The following NLGN1 variants were observed in gnomAD, a reference collection of about 807,000 sequenced individuals.
The protein encoded by NLGN1 is neuroligin-1.
A neutral mutation model predicts 65.5 loss-of-function variants in NLGN1; 12 were observed. That is an observed-to-expected ratio of 0.18 (90% CI 0.12 to 0.30). The LOEUF is 0.30. Ranked by LOEUF, NLGN1 falls within the 10% of genes least tolerant of loss-of-function variation. The pLI is 1.00. For missense variants in NLGN1, 750 were observed against 1,007.1 expected (o/e 0.74, Z 3.46); for synonymous variants, 350 against 359.5 (o/e 0.97, Z 0.30).
chr3:173,863,102 T>G (rs1449961762), intron 4 of NLGN1, among the ~76,000 whole-genome samples: 2 of 151,986 alleles, frequency 1.3e-5, no homozygotes, highest in African/African-American at 2.4e-5. Flanking sequence ...ATTTGAAAAC[T>G]GTTCAGAGAT....
chr3:173,642,345 C>G (rs906642141), intron 3 of NLGN1, among the ~76,000 whole-genome samples: 1 of 152,182 alleles, frequency 6.6e-6, no homozygotes, highest in East Asian at 1.9e-4. Context: ...CTAGCCGACT[C>G]TCAGGACTGG....
chr3:173,813,683 A>G (rs1435471347), intron 4 of NLGN1, among the ~76,000 whole-genome samples: 1 of 152,268 alleles, frequency 6.6e-6, no homozygotes, highest in Non-Finnish European at 1.5e-5. Context: ...ACAGAAAGTT[A>G]GGTCATGAAT....
chr3:174,263,845 C>T (rs368234412), intron 4 of NLGN1, among the ~76,000 whole-genome samples: 19 of 150,968 alleles, frequency 1.3e-4, no homozygotes, highest in Middle Eastern at 3.4e-3. Flanking sequence ...CCATGTTTAG[C>T]GCTTCCTTCA....
chr3:174,183,207 T>G (rs1299573861), intron 4 of NLGN1, among the ~76,000 whole-genome samples: 2 of 152,080 alleles, frequency 1.3e-5, no homozygotes, highest in Non-Finnish European at 2.9e-5. Flanking sequence ...TACTGGAAGC[T>G]CAAAAGTTCC....
chr3:173,967,453 C>G (rs1319679573), intron 4 of NLGN1, among the ~76,000 whole-genome samples: 4 of 152,112 alleles, frequency 2.6e-5, no homozygotes. Context: ...TTGAACACAA[C>G]TAATATTTCT....
intron 1 of NLGN1, among the ~76,000 whole-genome samples, chr3:173,407,028 A>G (rs1718830374): frequency 6.6e-6 from 1 of 152,184 alleles, no homozygotes; most frequent in South Asian, 2.1e-4. Context: ...TTATTAATTA[A>G]ATTATTTTAA....
At chr3:173,977,810 C>T (rs1412711434) in intron 4 of NLGN1, among the ~76,000 whole-genome samples, 2 of 151,910 alleles carry the variant, frequency 1.3e-5, no homozygotes, top group Non-Finnish European at 2.9e-5. Context: ...AGTATTATGG[C>T]CTAGAGATAT....
chr3:173,636,412 G>A (rs1427785257), intron 3 of NLGN1, among the ~76,000 whole-genome samples: 1 of 152,160 alleles, frequency 6.6e-6, no homozygotes, highest in Non-Finnish European at 1.5e-5. Flanking sequence ...TTAGGAAACC[G>A]AGGTCCACAA....
chr3:174,213,067 A>G (rs1215816081), intron 4 of NLGN1, among the ~76,000 whole-genome samples: 2 of 152,160 alleles, frequency 1.3e-5, no homozygotes, highest in Non-Finnish European at 2.9e-5. Flanking sequence ...AGCAACTTTA[A>G]CTCTCCTTTG....
At chr3:173,663,607 A>G (rs1283506497) in intron 3 of NLGN1, among the ~76,000 whole-genome samples, 5 of 152,120 alleles carry the variant, frequency 3.3e-5, no homozygotes, top group African/African-American at 4.8e-5. Flanking sequence ...AGAAGCTCCT[A>G]AAGATATTAA....
At chr3:174,146,505 G>C (rs1723301621) in intron 4 of NLGN1, among the ~76,000 whole-genome samples, 1 of 151,242 alleles carries the variant, frequency 6.6e-6, no homozygotes, top group Admixed American at 6.6e-5. Context: ...TTAAAGAAAA[G>C]CAAATTATTT....
chr3:173,813,406 A>C (rs1024487747), intron 4 of NLGN1, among the ~76,000 whole-genome samples: 1 of 152,236 alleles, frequency 6.6e-6, no homozygotes, highest in African/African-American at 2.4e-5. Flanking sequence ...TCTACAACAC[A>C]TCCAAATGCG....
In NLGN1 at chr3:173,598,081, C is replaced by T. The variant is rs377753874; in HGVS notation, c.-320-6198C>T. On this transcript the variant is annotated intron_variant, in intron 2 of 6. Coordinates refer to ENST00000457714, the Ensembl canonical transcript of NLGN1. Reference sequence around the variant, plus strand: ...TTATTGTATTTCTAGTACTCCCTTTCGTTGATATTTGATAAAAAGTTAATC... The same window carrying T: ...TTATTGTATTTCTAGTACTCCCTTTTGTTGATATTTGATAAAAAGTTAATC... 3.2e-3 allele frequency among the ~76,000 whole-genome samples: 484 copies of T among 151,306 alleles called. 3 individuals carry two copies. The highest frequency in any genetic ancestry group is 4.1e-3 in the Non-Finnish European group (280 of 67,984).
intron 3 of NLGN1, among the ~76,000 whole-genome samples, chr3:173,681,533 T>C (rs1458698518): frequency 1.3e-5 from 2 of 152,184 alleles, no homozygotes; most frequent in Non-Finnish European, 2.9e-5. Flanking sequence ...CTGGCTGATG[T>C]GCTTGAGGTT....
chr3:174,156,831 A>G lies in NLGN1; in HGVS notation c.647-118484A>G, dbSNP rs565081366. Among the ~76,000 whole-genome samples, 88 of 151,818 alleles carry G rather than the reference A, an allele frequency of 5.8e-4. 2 individuals are homozygous for G. The South Asian group carries it at 0.018, about 31-fold the overall frequency. ...CTATTGCAAAGCTACGTGGCAAGTT[A>G]ATTGTAAACTACATTTACTATATTT... is the stretch of plus-strand genomic sequence containing the variant. On this transcript the variant is annotated intron_variant, in intron 4 of 6. Transcript: ENST00000457714.
At chr3:173,774,963 G>A (rs563943297) in intron 3 of NLGN1, among the ~76,000 whole-genome samples, 4 of 152,046 alleles carry the variant, frequency 2.6e-5, no homozygotes, top group Admixed American at 2.0e-4. Flanking sequence ...GTTTTGAAAA[G>A]GTTTCAGATT....
intron 4 of NLGN1, among the ~76,000 whole-genome samples, chr3:173,984,158 C>G (rs1369796426): frequency 1.3e-5 from 2 of 152,148 alleles, no homozygotes; most frequent in Non-Finnish European, 2.9e-5. Context: ...TCCAAGAGTA[C>G]TTAGGTATAT....
chr3:173,841,129 T>G (rs551415913), intron 4 of NLGN1, among the ~76,000 whole-genome samples: 1 of 126,250 alleles, frequency 7.9e-6, no homozygotes, highest in Non-Finnish European at 1.7e-5. Flanking sequence ...TAAATTATCA[T>G]TGTATCTATA....
chr3:174,198,071 A>G (rs1321927054), intron 4 of NLGN1, among the ~76,000 whole-genome samples: 1 of 152,144 alleles, frequency 6.6e-6, no homozygotes, highest in Non-Finnish European at 1.5e-5. Flanking sequence ...CTATGTTTAT[A>G]TTATTAATCT....
Sources: allele counts gnomAD v4.1 joint callset (sites outside exome capture counted in the v4.1 genomes callset), GRCh38; gene constraint gnomAD v4.1.1; transcripts MANE v1.5; gene names NCBI Gene and HGNC (gene_info 2026-07-23, HGNC 2026-07-21).